PTPRK: variants seen among roughly 807,000 people sequenced by gnomAD.
PTPRK encodes the protein receptor-type tyrosine-protein phosphatase kappa.
Under a neutral mutation model 178.0 loss-of-function variants are expected in PTPRK, and 75 were observed. That is an observed-to-expected ratio of 0.42 (90% confidence interval 0.35 to 0.51). The LOEUF (loss-of-function observed/expected upper bound fraction) is 0.51. Among genes scored for constraint, PTPRK ranks in the 20% least tolerant of loss-of-function variants. The pLI, the probability that PTPRK is intolerant of heterozygous loss-of-function variation, is 0.02. For missense variants in PTPRK, 1,441 were observed against 1,797.8 expected (o/e 0.80, Z 3.59); for synonymous variants, 637 against 620.6 (o/e 1.03, Z -0.39).
At chr6:127,999,874 C>T in intron 15 of PTPRK, 1 of 724,244 alleles carries the variant, frequency 1.4e-6, no homozygotes, top group Non-Finnish European at 1.7e-6. Flanking sequence ...GAATCCCTGA[C>T]CACTCACAAT....
intron 2 of PTPRK, among the ~76,000 whole-genome samples, chr6:128,328,635 G>A (rs930447052): frequency 5.9e-5 from 9 of 152,196 alleles, no homozygotes; most frequent in African/African-American, 2.2e-4. Flanking sequence ...TTAGAACAAA[G>A]GTTCTCAAAT....
At chr6:128,080,728 A>C (rs1383733996) in intron 10 of PTPRK, among the ~76,000 whole-genome samples, 2 of 152,060 alleles carry the variant, frequency 1.3e-5, no homozygotes, top group Non-Finnish European at 2.9e-5. Flanking sequence ...AAATGTAATT[A>C]CCGGACTCAG....
intron 5 of PTPRK, among the ~76,000 whole-genome samples, chr6:128,238,479 A>G (rs1813763296): frequency 6.6e-6 from 1 of 152,184 alleles, no homozygotes; most frequent in Admixed American, 6.5e-5. Context: ...ATGTCACATT[A>G]AATCCTGAGG....
At chr6:128,375,535 C>T (rs1344144310) in intron 2 of PTPRK, among the ~76,000 whole-genome samples, 1 of 152,148 alleles carries the variant, frequency 6.6e-6, no homozygotes, top group African/African-American at 2.4e-5. Context: ...ATGGGAGCTA[C>T]AAGATGAGAT....
chr6:128,285,935 T>C (rs1369125795), intron 3 of PTPRK, among the ~76,000 whole-genome samples: 2 of 152,154 alleles, frequency 1.3e-5, no homozygotes, highest in Admixed American at 1.3e-4. Flanking sequence ...ATCTTATGAC[T>C]CCTTCCCCTG....
chr6:128,335,323 T>G (rs1402223478), intron 2 of PTPRK, among the ~76,000 whole-genome samples: 3 of 152,058 alleles, frequency 2.0e-5, no homozygotes, highest in Admixed American at 6.6e-5. Context: ...CATCTTTTCA[T>G]TTTTTTATTT....
chr6:128,258,802 G>A (rs977174240), intron 3 of PTPRK, among the ~76,000 whole-genome samples: 2 of 152,294 alleles, frequency 1.3e-5, no homozygotes, highest in African/African-American at 2.4e-5. Flanking sequence ...CATTCCAGGC[G>A]GAGGGAATGA....
chr6:128,215,232 C>A (rs558803283), intron 6 of PTPRK, among the ~76,000 whole-genome samples: 1 of 152,154 alleles, frequency 6.6e-6, no homozygotes, highest in Non-Finnish European at 1.5e-5. Context: ...TCAGCTGGTT[C>A]GAGATGTAAG....
In PTPRK at chr6:128,163,722, C is replaced by T. The variant is rs117828162; in HGVS notation, c.1162+20710G>A. Among the ~76,000 whole-genome samples, 1,501 of 151,498 alleles carry T rather than the reference C, an allele frequency of 9.9e-3. 13 individuals carry two copies. Among genetic ancestry groups the T allele is most frequent in the African/African-American group, 0.018 (752 of 41,476 alleles). ...ATACATAACTATATTACTTTACCAACGCATTTAATAGAGGGAAGTCTAATA... is the reference window on the plus strand; with the variant it reads ...ATACATAACTATATTACTTTACCAATGCATTTAATAGAGGGAAGTCTAATA... On this transcript the variant is annotated intron_variant, in intron 7 of 29. Coordinates refer to ENST00000368226, the MANE Select transcript of PTPRK (RefSeq NM_002844.4).
chr6:128,317,893 T>A (rs1001188826), intron 3 of PTPRK, among the ~76,000 whole-genome samples: 13 of 152,266 alleles, frequency 8.5e-5, no homozygotes, highest in African/African-American at 2.9e-4. Flanking sequence ...GGAAAGCAAG[T>A]AAGCTGGTTG....
intron 7 of PTPRK, among the ~76,000 whole-genome samples, chr6:128,103,092 CAGA>C (rs1789060828): frequency 6.6e-6 from 1 of 150,962 alleles, no homozygotes; most frequent in East Asian, 1.9e-4. Context: ...AGCAGATGAG[CAGA>C]AGAACAGAGG....
intron 7 of PTPRK, among the ~76,000 whole-genome samples, chr6:128,126,870 T>C (rs1191215610): frequency 6.6e-6 from 1 of 152,224 alleles, no homozygotes; most frequent in Non-Finnish European, 1.5e-5. Flanking sequence ...TTGTATGAAA[T>C]GTCAAAGTAA....
At chr6:128,049,817 T>C (rs2114868175) in intron 13 of PTPRK, among the ~76,000 whole-genome samples, 1 of 152,272 alleles carries the variant, frequency 6.6e-6, no homozygotes, top group Middle Eastern at 3.4e-3. Flanking sequence ...GAGGGTATAA[T>C]GAATTAGGGC....
At chr6:128,500,342 T>C (rs1855361600) in intron 1 of PTPRK, among the ~76,000 whole-genome samples, 5 of 150,932 alleles carry the variant, frequency 3.3e-5, no homozygotes, top group Middle Eastern at 6.8e-3. Flanking sequence ...GTTAATACAA[T>C]CATGTGATTA....
intron 7 of PTPRK, among the ~76,000 whole-genome samples, chr6:128,148,674 T>C (rs1016801635): frequency 6.6e-6 from 1 of 152,068 alleles, no homozygotes; most frequent in Non-Finnish European, 1.5e-5. Flanking sequence ...AATATACCAA[T>C]CCGAGCAGAA....
At chr6:128,428,289 G>A (rs192305754) in intron 1 of PTPRK, among the ~76,000 whole-genome samples, 12 of 152,246 alleles carry the variant, frequency 7.9e-5, no homozygotes, top group Admixed American at 4.6e-4. Flanking sequence ...GACTTCCATC[G>A]CTAAGCATCG....
At chr6:128,297,553 A>G (rs1275052274) in intron 3 of PTPRK, among the ~76,000 whole-genome samples, 3 of 152,220 alleles carry the variant, frequency 2.0e-5, no homozygotes, top group African/African-American at 7.2e-5. Context: ...ATCAAACTAG[A>G]ACTCAGCATT....
Position 128,519,415 on chromosome 6 carries a change from G to A in PTPRK, c.100+844C>T, listed in dbSNP as rs1858636105. ...TTGTCTCCTTTTGGGTTCTCCGGCA[G>A]AAGGCAGACATTTACAGTCCGCTTC... On this transcript the variant is annotated intron_variant, in intron 1 of 29. Coordinates refer to ENST00000368226, the MANE Select transcript of PTPRK (RefSeq NM_002844.4). This position sits in a 1 kb window ranked among gnomAD's most constrained non-coding sequence, Gnocchi z 4.3. Among the ~76,000 whole-genome samples, 1 of 152,162 alleles carries A rather than the reference G, an allele frequency of 6.6e-6. No individual in the cohort carries two copies. The highest frequency in any genetic ancestry group is 1.5e-5 in the Non-Finnish European group (1 of 68,024).
At chr6:127,989,129 T>A (rs776481605) in intron 21 of PTPRK, among the ~76,000 whole-genome samples, 16 of 152,106 alleles carry the variant, frequency 1.1e-4, no homozygotes, top group Non-Finnish European at 1.8e-4. Flanking sequence ...CTCAACTTTT[T>A]GTTATGTATT....
Sources: gnomAD v4.1 joint callset for allele counts (sites outside exome capture counted in the v4.1 genomes callset) on GRCh38, gnomAD v4.1.1 for gene constraint, Gnocchi (gnomAD v3.1) non-coding constraint, MANE v1.5 for transcripts, NCBI Gene and HGNC (gene_info 2026-07-23, HGNC 2026-07-21) for gene names.